SIPA1L3: variants seen among roughly 807,000 people sequenced by gnomAD.
SIPA1L3 encodes the protein signal-induced proliferation-associated 1-like protein 3.
In SIPA1L3, 59 loss-of-function variants were observed where a neutral mutation model predicts 150.1. That is an observed-to-expected ratio of 0.39 (90% confidence interval 0.32 to 0.49). The LOEUF (loss-of-function observed/expected upper bound fraction) is 0.49, where lower values mean the gene tolerates loss of function less well. Ranked by LOEUF, SIPA1L3 falls within the 20% of genes least tolerant of loss-of-function variation. The pLI is 0.86. For synonymous variants in SIPA1L3, 1,070 were observed against 1,077.6 expected, an observed-to-expected ratio of 0.99 and a Z score of 0.14; for missense variants, 2,211 against 2,489.5, an observed-to-expected ratio of 0.89 and a Z score of 2.38.
chr19:38,137,436 G>A (rs1040875862), intron 10 of SIPA1L3, among the ~76,000 whole-genome samples: 1 of 151,558 alleles, frequency 6.6e-6, no homozygotes, highest in Non-Finnish European at 1.5e-5. Flanking sequence ...TGATCCACCC[G>A]CCTCGGCCTC....
chr19:38,055,944 C>T (rs1176633350), intron 2 of SIPA1L3, among the ~76,000 whole-genome samples: 1 of 152,216 alleles, frequency 6.6e-6, no homozygotes, highest in East Asian at 1.9e-4. Flanking sequence ...TGGAGCCCAG[C>T]CGAACTAGCC....
At chr19:37,994,502 T>C (rs1967586377) in intron 1 of SIPA1L3, among the ~76,000 whole-genome samples, 1 of 152,132 alleles carries the variant, frequency 6.6e-6, no homozygotes, top group African/African-American at 2.4e-5. Flanking sequence ...TCTCTCCTCC[T>C]TGGCTCTTGA....
Position 38,081,668 on chromosome 19 carries a change from G to T in SIPA1L3, c.103G>T (p.Ala35Ser). The T allele has an allele frequency of 6.2e-7, 1 of 1,612,230 alleles. No individual in the cohort carries two copies. The change falls in exon 3 of 22, where the codon GCT (alanine) becomes TCT (serine). Residue 35 changes from alanine to serine, a missense_variant. Ala to Ser is a moderately conservative substitution (Grantham distance 99, BLOSUM62 1). This residue lies in a region of SIPA1L3 where 130 missense variants were observed against 174.5 expected (regional missense o/e 0.74). Coordinates refer to ENST00000222345, the MANE Select transcript of SIPA1L3 (RefSeq NM_015073.3). ...VLPGPHTGDY[A>S]PLGFWAQNGS... ...CCCTGGGCCACACACAGGGGACTAC[G>T]CTCCCTTGGGATTCTGGGCCCAGAA...
At chr19:37,949,663 CAA>C (rs934301249) in intron 1 of SIPA1L3, among the ~76,000 whole-genome samples, 1 of 132,194 alleles carries the variant, frequency 7.6e-6, no homozygotes, top group African/African-American at 2.8e-5. Context: ...AACTCTGTCT[CAA>C]AAAAAAAAAA....
In SIPA1L3 at chr19:38,193,770, C is replaced by T. The variant is rs753354592; in HGVS notation, c.4830C>T (p.Pro1610=). 2.9e-5 allele frequency: 46 copies of T among 1,572,364 alleles called. No homozygotes were observed. The highest frequency in any genetic ancestry group is 8.2e-5 in the African/African-American group (6 of 72,906). ...CCCCTGCCGCCGGCAGCGGCTTTCCCGAGAAGAAATGTGAGCCTGGGCCCC... is the reference window on the plus strand; with the variant it reads ...CCCCTGCCGCCGGCAGCGGCTTTCCTGAGAAGAAATGTGAGCCTGGGCCCC... The part of the protein sequence containing the change: ...GATPAAGSGF[P]EKKSTISASE... The change falls in exon 18 of 22, where the codon CCC becomes CCT. Residue 1610 remains proline, a synonymous_variant. Coordinates refer to ENST00000222345, the MANE Select transcript of SIPA1L3 (RefSeq NM_015073.3).
At chr19:38,076,492 G>A (rs986859209) in intron 2 of SIPA1L3, among the ~76,000 whole-genome samples, 6 of 152,134 alleles carry the variant, frequency 3.9e-5, no homozygotes, top group East Asian at 1.9e-4. Flanking sequence ...TTGAAACACC[G>A]TGTGACACTC....
chr19:38,051,176 A>G (rs995420752), intron 2 of SIPA1L3, among the ~76,000 whole-genome samples: 1 of 152,238 alleles, frequency 6.6e-6, no homozygotes, highest in African/African-American at 2.4e-5. Context: ...TGGGTAGCAC[A>G]TAGGTTTTAA....
At chr19:38,035,400 A>G (rs1290747217) in intron 2 of SIPA1L3, among the ~76,000 whole-genome samples, 1 of 152,162 alleles carries the variant, frequency 6.6e-6, no homozygotes, top group Non-Finnish European at 1.5e-5. Flanking sequence ...ACCCAGAGTG[A>G]TAAGAGTTCT....
chr19:37,964,359 T>A (rs1156575155), intron 1 of SIPA1L3: 1 of 152,208 alleles, frequency 6.6e-6, no homozygotes, highest in African/African-American at 2.4e-5. Context: ...GACACTGTAC[T>A]CCAGCCTGGG....
At chr19:38,109,767 G>T (rs1970698362) in intron 7 of SIPA1L3, 1 of 163,694 alleles carries the variant, frequency 6.1e-6, no homozygotes, top group Non-Finnish European at 1.4e-5. Flanking sequence ...TCAATGGGAA[G>T]AGACAAGAAA....
chr19:38,164,735 G>A lies in SIPA1L3; in HGVS notation c.4037G>A (p.Gly1346Glu), dbSNP rs774286217. 2 of 1,613,294 alleles carry A rather than the reference G, an allele frequency of 1.2e-6. No homozygotes were observed. Among genetic ancestry groups the A allele is most frequent in the Non-Finnish European group, 1.7e-6 (2 of 1,179,710 alleles). Residue 1346 changes from glycine to glutamate, a missense_variant, in exon 15 of 22, where the codon GGG becomes GAG. By Grantham distance (98) the Gly-to-Glu change is moderately conservative (BLOSUM62 -2). Transcript: ENST00000222345. This position sits in a 1 kb window ranked among gnomAD's most constrained non-coding sequence, Gnocchi z 4.1. ...KPPGSMGLCG[G>E]GREAAGRSHH... Reference sequence around the variant, plus strand: ...CCTGGAAGTATGGGCCTTTGTGGCGGGGGTCGCGAGGCCGCTGGGAGGTCC... The same window carrying A: ...CCTGGAAGTATGGGCCTTTGTGGCGAGGGTCGCGAGGCCGCTGGGAGGTCC...
intron 1 of SIPA1L3, among the ~76,000 whole-genome samples, chr19:37,944,193 G>A (rs957982153): frequency 3.3e-5 from 5 of 151,684 alleles, no homozygotes; most frequent in Non-Finnish European, 2.9e-5. Context: ...CAGGAGAATC[G>A]CTTGAACCCA....
At chr19:38,008,217 CTTT>C (rs35422339) in intron 1 of SIPA1L3, among the ~76,000 whole-genome samples, 60 of 50,108 alleles carry the variant, frequency 1.2e-3, no homozygotes, top group African/African-American at 4.1e-3. Context: ...CCATAGGCTG[CTTT>C]TTTTTTTTTT....
chr19:38,163,698 A>G (rs1030252062), intron 14 of SIPA1L3, among the ~76,000 whole-genome samples: 5 of 152,094 alleles, frequency 3.3e-5, no homozygotes, highest in African/African-American at 1.2e-4. Context: ...GGGAGTGCCC[A>G]GTATGTTCCG....
At chr19:38,103,554 G>A (rs1970554346) in intron 6 of SIPA1L3, among the ~76,000 whole-genome samples, 2 of 151,664 alleles carry the variant, frequency 1.3e-5, no homozygotes, top group African/African-American at 4.8e-5. Flanking sequence ...CTTGAGCCTG[G>A]GAGGCAGAGG....
At chr19:38,139,219 C>T (rs960674482) in intron 10 of SIPA1L3, among the ~76,000 whole-genome samples, 8 of 152,166 alleles carry the variant, frequency 5.3e-5, no homozygotes, top group African/African-American at 7.2e-5. Context: ...AACTGATGCT[C>T]GTTATCTCTC....
intron 9 of SIPA1L3, among the ~76,000 whole-genome samples, chr19:38,129,652 G>T (rs1432417350): frequency 1.3e-5 from 2 of 150,600 alleles, no homozygotes; most frequent in Non-Finnish European, 3.0e-5. Context: ...ATGGTGTCAC[G>T]AAGTAAAAGA....
intron 13 of SIPA1L3, among the ~76,000 whole-genome samples, chr19:38,160,783 C>T (rs1214984299): frequency 6.6e-6 from 1 of 152,198 alleles, no homozygotes; most frequent in Admixed American, 6.5e-5. Flanking sequence ...CTGTCCCACA[C>T]ACAATCCCAC....
In SIPA1L3 at chr19:38,036,094, T is replaced by C. The variant is rs140514406; in HGVS notation, c.-311+6938T>C. 2.3e-3 allele frequency among the ~76,000 whole-genome samples: 353 copies of C among 152,336 alleles called. 1 individual carries two copies. Among genetic ancestry groups the C allele is most frequent in the Admixed American group, 4.3e-3 (66 of 15,304 alleles). Reference sequence around the variant, plus strand: ...GCCTCCTGGTCCCCTTTCTTGTTCATTCCTGAGACTTTTCAGCACTGGCCT... The same window carrying C: ...GCCTCCTGGTCCCCTTTCTTGTTCACTCCTGAGACTTTTCAGCACTGGCCT... On this transcript the variant is annotated intron_variant, in intron 2 of 21. Transcript: ENST00000222345.
Sources: allele counts gnomAD v4.1 joint callset (sites outside exome capture counted in the v4.1 genomes callset), GRCh38; gene constraint gnomAD v4.1.1; regional missense constraint gnomAD v4.1.1; non-coding constraint Gnocchi (gnomAD v3.1); transcripts MANE v1.5; gene names NCBI Gene and HGNC (gene_info 2026-07-23, HGNC 2026-07-21).